The following DOCK3 variants were observed in gnomAD, a reference collection of about 807,000 sequenced individuals.
DOCK3 encodes the protein dedicator of cytokinesis protein 3.
DOCK3 carries 60 observed loss-of-function variants against 265.6 expected under a neutral mutation model. That is an observed-to-expected ratio of 0.23 (90% CI 0.18 to 0.28). The LOEUF is 0.28. DOCK3 is among the 10% of genes least tolerant of loss of function. DOCK3 has a pLI of 1.00. For synonymous variants in DOCK3, 881 were observed against 938.0 expected (o/e 0.94, Z 1.11); for missense variants, 1,981 against 2,594.3 (o/e 0.76, Z 5.14).
At chr3:50,704,539 A>G (rs1559532144) in intron 1 of DOCK3, among the ~76,000 whole-genome samples, 1 of 152,104 alleles carries the variant, frequency 6.6e-6, no homozygotes, top group Non-Finnish European at 1.5e-5. Flanking sequence ...TAATTACTCC[A>G]GTATGCGTGG....
intron 4 of DOCK3, among the ~76,000 whole-genome samples, chr3:50,911,140 C>T (rs2049832181): frequency 6.6e-6 from 1 of 152,006 alleles, no homozygotes; most frequent in Middle Eastern, 3.2e-3. Context: ...GCCTCTTTAT[C>T]CGTGCAGAAG....
At chr3:50,843,795 G>T (rs1403848061) in intron 3 of DOCK3, among the ~76,000 whole-genome samples, 1 of 151,964 alleles carries the variant, frequency 6.6e-6, no homozygotes, top group African/African-American at 2.4e-5. Context: ...TTAATAGCTT[G>T]TATCTGTACT....
intron 1 of DOCK3, among the ~76,000 whole-genome samples, chr3:50,719,186 T>C (rs1189998582): frequency 3.3e-5 from 5 of 152,086 alleles, no homozygotes; most frequent in Non-Finnish European, 5.9e-5. Context: ...TAGTAGTAAG[T>C]TTTTTAGATC....
In DOCK3 at chr3:51,366,080, AC is replaced by A. The variant is rs1328678655; in HGVS notation, c.5293+3408del. ...AGGAATGGTACCAGCTCCTCTTTGT[AC>A]CTCTGGTCGAATTCGGCTGTGAATC... On this transcript the variant is annotated intron_variant, in intron 49 of 52. Transcript: ENST00000266037. 2.6e-5 allele frequency among the ~76,000 whole-genome samples: 4 copies of A among 152,018 alleles called. No homozygotes were observed. In the East Asian group the frequency reaches 7.7e-4, roughly 29 times the overall value.
At chr3:50,829,079 A>T (rs1193117220) in intron 2 of DOCK3, among the ~76,000 whole-genome samples, 3 of 151,890 alleles carry the variant, frequency 2.0e-5, no homozygotes, top group Non-Finnish European at 4.4e-5. Flanking sequence ...TTATTTATTT[A>T]TTTATTTATT....
intron 12 of DOCK3, among the ~76,000 whole-genome samples, chr3:51,206,652 C>G (rs1381853931): frequency 1.3e-5 from 2 of 152,010 alleles, no homozygotes; most frequent in Admixed American, 1.3e-4. Context: ...TAAAAGAGAT[C>G]TGAAGAGGTC....
At chr3:51,116,795 T>G (rs886075263) in intron 9 of DOCK3, among the ~76,000 whole-genome samples, 1 of 152,238 alleles carries the variant, frequency 6.6e-6, no homozygotes, top group Non-Finnish European at 1.5e-5. Context: ...ATGCTTGTGA[T>G]TTTTGCACAT....
intron 27 of DOCK3, among the ~76,000 whole-genome samples, chr3:51,308,927 G>A (rs1251430594): frequency 4.6e-5 from 7 of 151,032 alleles, no homozygotes; most frequent in Admixed American, 2.0e-4. Context: ...GGGCAGAGAC[G>A]CTCCTCACCT....
intron 9 of DOCK3, among the ~76,000 whole-genome samples, chr3:51,096,942 C>T (rs544446472): frequency 3.9e-5 from 6 of 152,140 alleles, no homozygotes; most frequent in Admixed American, 1.3e-4. Flanking sequence ...GTATCACCAG[C>T]GGAAGCTGCA....
intron 1 of DOCK3, among the ~76,000 whole-genome samples, chr3:50,766,571 C>T (rs902082522): frequency 6.6e-6 from 1 of 151,892 alleles, no homozygotes; most frequent in Non-Finnish European, 1.5e-5. Flanking sequence ...TGAATAGTGC[C>T]GCAATAAACA....
chr3:50,875,315 C>G (rs2107613258), intron 3 of DOCK3, among the ~76,000 whole-genome samples: 1 of 152,266 alleles, frequency 6.6e-6, no homozygotes, highest in Non-Finnish European at 1.5e-5. Context: ...TTTGTGCTGG[C>G]TAAGACTTGT....
chr3:51,197,576 G>A (rs1239896845), intron 12 of DOCK3, among the ~76,000 whole-genome samples: 2 of 152,180 alleles, frequency 1.3e-5, no homozygotes, highest in Non-Finnish European at 2.9e-5. Context: ...AAGTGGTTGT[G>A]TTGGGTATTT....
At chr3:51,296,488 T>C (rs1471289938) in intron 27 of DOCK3, among the ~76,000 whole-genome samples, 1 of 151,830 alleles carries the variant, frequency 6.6e-6, no homozygotes, top group African/African-American at 2.4e-5. Flanking sequence ...GGTTTTTTTT[T>C]TTTTTTGAGA....
At chr3:51,053,882 A>C (rs961936615) in intron 5 of DOCK3, among the ~76,000 whole-genome samples, 2 of 151,988 alleles carry the variant, frequency 1.3e-5, no homozygotes, top group South Asian at 4.2e-4. Flanking sequence ...TTTGTTTTCT[A>C]TGTTTCAATC....
chr3:51,023,437 A>G (rs2079681330), intron 5 of DOCK3, among the ~76,000 whole-genome samples: 1 of 151,910 alleles, frequency 6.6e-6, no homozygotes, highest in African/African-American at 2.4e-5. Flanking sequence ...TTGTTTTTTG[A>G]GACAGAGTCT....
intron 5 of DOCK3, among the ~76,000 whole-genome samples, chr3:51,021,505 G>T (rs1249989263): frequency 6.6e-6 from 1 of 152,038 alleles, no homozygotes; most frequent in Non-Finnish European, 1.5e-5. Flanking sequence ...ATTTAAGGAA[G>T]TTCTTTATGA....
chr3:51,071,633 G>A (rs1033057297), intron 6 of DOCK3, among the ~76,000 whole-genome samples: 5 of 152,172 alleles, frequency 3.3e-5, no homozygotes, highest in African/African-American at 1.2e-4. Context: ...AACAGCTTAC[G>A]ATAGTAGATT....
At chr3:50,744,659 T>C (rs1418769549) in intron 1 of DOCK3, among the ~76,000 whole-genome samples, 1 of 152,184 alleles carries the variant, frequency 6.6e-6, no homozygotes, top group Non-Finnish European at 1.5e-5. Flanking sequence ...GGTCTTGAAC[T>C]CCTGGGCTCA....
At chr3:51,306,794 G>A (rs2082712509) in intron 27 of DOCK3, among the ~76,000 whole-genome samples, 3 of 152,072 alleles carry the variant, frequency 2.0e-5, no homozygotes, top group African/African-American at 7.2e-5. Flanking sequence ...CCTCTATTTG[G>A]TGAGTCATTG....
Sources: allele counts gnomAD v4.1 joint callset (sites outside exome capture counted in the v4.1 genomes callset), GRCh38; gene constraint gnomAD v4.1.1; transcripts MANE v1.5; gene names NCBI Gene and HGNC (gene_info 2026-07-23, HGNC 2026-07-21).